Variants in HHIP observed in about 807,000 individuals in gnomAD.
HHIP encodes the protein hedgehog interacting protein, also known as hedgehog-interacting protein.
Under a neutral mutation model 74.0 loss-of-function variants are expected in HHIP, and 12 were observed. The ratio of observed to expected loss-of-function variants is 0.16; its 90% CI spans 0.10 to 0.26. HHIP has a LOEUF of 0.26. Ranked by LOEUF, HHIP falls within the 10% of genes least tolerant of loss-of-function variation. HHIP has a pLI of 1.00. For missense variants in HHIP, 788 were observed against 845.0 expected, an observed-to-expected ratio of 0.93 and a Z score of 0.84; for synonymous variants, 309 against 311.6, an observed-to-expected ratio of 0.99 and a Z score of 0.09.
At chr4:144,717,932 A>C (rs1233657465) in intron 10 of HHIP, among the ~76,000 whole-genome samples, 2 of 152,212 alleles carry the variant, frequency 1.3e-5, no homozygotes, top group Non-Finnish European at 2.9e-5. Context: ...TTGCACAGAA[A>C]TAAATCAAGA....
rs1363029207 is a variant in HHIP, at chr4:144,744,948, TTATC to T, written c.*6997_*7000del. 1.3e-5 allele frequency: 2 copies of T among 152,230 alleles called. No homozygotes were observed. The highest frequency in any genetic ancestry group is 4.8e-5 in the African/African-American group (2 of 41,464). 9.4% of individuals were successfully genotyped at this position (152,230 alleles called of 1,614,324 possible). A position where few individuals can be genotyped will look rare whatever the true frequency, so the allele number is the denominator to read the frequency against. On this transcript the variant is annotated 3_prime_UTR_variant, in exon 13 of 13. Coordinates refer to ENST00000296575, the MANE Select transcript of HHIP (RefSeq NM_022475.3). ...TGTGCACACACCCATGTATATATATTTATCTATCTGTACAAACACTACATATGTA... is the reference window on the plus strand; with the variant it reads ...TGTGCACACACCCATGTATATATATTTATCTGTACAAACACTACATATGTA...
At position 144,646,407 on chromosome 4, in the gene HHIP, A is replaced by G. The variant is rs1259515200; in HGVS notation, c.-269A>G. 1 of 393,090 alleles carries G rather than the reference A, an allele frequency of 2.5e-6. No individual in the cohort carries two copies. Among genetic ancestry groups the G allele is most frequent in the Non-Finnish European group, 4.5e-6 (1 of 220,792 alleles). The allele number at this position is 393,090 out of a possible 1,614,324, so 24.4% of individuals were successfully genotyped here. ...GCCGCAGCAGAAAGCCCCCAACCCA[A>G]CTGACACTGGCACAACTGCAAACGG... On this transcript the variant is annotated 5_prime_UTR_variant, in exon 1 of 13. Coordinates refer to ENST00000296575, the MANE Select transcript of HHIP (RefSeq NM_022475.3).
chr4:144,740,590 C>G lies in HHIP; in HGVS notation c.*2633C>G, dbSNP rs566944557. 5.9e-5 allele frequency: 9 copies of G among 152,152 alleles called. No individual in the cohort carries two copies. Among genetic ancestry groups the G allele is most frequent in the Non-Finnish European group, 8.8e-5 (6 of 68,020 alleles). 9.4% of individuals were successfully genotyped at this position (152,152 alleles called of 1,614,324 possible). A position where few individuals can be genotyped will look rare whatever the true frequency, so the allele number is the denominator to read the frequency against. ...AAATTAAGTGGTCAATTCAAAAATT[C>G]TCTTTGACCTTTTCTTTCAAGTAGA... On this transcript the variant is annotated 3_prime_UTR_variant, in exon 13 of 13. Coordinates refer to ENST00000296575, the MANE Select transcript of HHIP (RefSeq NM_022475.3).
chr4:144,724,498 T>C (rs1730736320), intron 11 of HHIP, among the ~76,000 whole-genome samples: 1 of 151,772 alleles, frequency 6.6e-6, no homozygotes, highest in Non-Finnish European at 1.5e-5. Context: ...AACTTTAAGA[T>C]ATAATTGACA....
intron 4 of HHIP, among the ~76,000 whole-genome samples, chr4:144,692,511 GA>G (rs1428590201): frequency 6.6e-6 from 1 of 151,932 alleles, no homozygotes; most frequent in African/African-American, 2.4e-5. Context: ...TCTCATCCTT[GA>G]AGTCTCAACC....
chr4:144,654,032 A>C lies in HHIP; in HGVS notation c.472+1235A>C, dbSNP rs116651228. ...TTAGATACCATAAATGTTTGCTGGAAACTTCAAGTCTTGAACATTTGCCTT... is the reference window on the plus strand; with the variant it reads ...TTAGATACCATAAATGTTTGCTGGACACTTCAAGTCTTGAACATTTGCCTT... On this transcript the variant is annotated intron_variant, in intron 2 of 12. Transcript: ENST00000296575. 3.0e-3 allele frequency among the ~76,000 whole-genome samples: 460 copies of C among 152,294 alleles called. 2 individuals are homozygous for C. Among genetic ancestry groups the C allele is most frequent in the Non-Finnish European group, 4.9e-3 (335 of 68,020 alleles).
At chr4:144,688,334 A>G (rs561139874) in intron 4 of HHIP, among the ~76,000 whole-genome samples, 1 of 152,244 alleles carries the variant, frequency 6.6e-6, no homozygotes, top group South Asian at 2.1e-4. Flanking sequence ...GAAGTTAAGC[A>G]TGGCTTGCTA....
At position 144,738,363 on chromosome 4, in the gene HHIP, T is replaced by C; in HGVS notation, c.*406T>C. ...TTTGAAACAGTACTGTGCAATCCGA[T>C]GGATCTAATTAAAAAAAAGGCAATA... On this transcript the variant is annotated 3_prime_UTR_variant, in exon 13 of 13. Coordinates refer to ENST00000296575, the MANE Select transcript of HHIP (RefSeq NM_022475.3). 2 of 978,742 alleles carry C rather than the reference T, an allele frequency of 2.0e-6. No individual in the cohort carries two copies. Among genetic ancestry groups the C allele is most frequent in the South Asian group, 4.7e-5 (1 of 21,144 alleles). 60.6% of individuals were successfully genotyped at this position (978,742 alleles called of 1,614,324 possible).
chr4:144,738,120 AGCATGTT>A lies in HHIP; in HGVS notation c.*164_*170del. On this transcript the variant is annotated 3_prime_UTR_variant, in exon 13 of 13. Coordinates refer to ENST00000296575, the MANE Select transcript of HHIP (RefSeq NM_022475.3). Reference sequence around the variant, plus strand: ...TGTGCAGATCCTCTGTGTGTATGTCAGCATGTTTGTTCACATATGCACATACACATAC... The same window carrying A: ...TGTGCAGATCCTCTGTGTGTATGTCATGTTCACATATGCACATACACATAC... 2 of 1,308,916 alleles carry A rather than the reference AGCATGTT, an allele frequency of 1.5e-6. No individual in the cohort carries two copies. Among genetic ancestry groups the A allele is most frequent in the Non-Finnish European group, 1.9e-6 (2 of 1,029,398 alleles). The allele number at this position is 1,308,916 out of a possible 1,614,324, so 81.1% of individuals were successfully genotyped here. A position where few individuals can be genotyped will look rare whatever the true frequency, so the allele number is the denominator to read the frequency against.
chr4:144,728,339 C>T (rs1427919116), intron 11 of HHIP, among the ~76,000 whole-genome samples: 4 of 152,080 alleles, frequency 2.6e-5, no homozygotes, highest in South Asian at 2.1e-4. Flanking sequence ...AAATATTAGT[C>T]GCAAAGAAGA....
intron 2 of HHIP, among the ~76,000 whole-genome samples, chr4:144,657,282 T>TGGCGTAAAAG (rs1728583219): frequency 6.6e-6 from 1 of 152,216 alleles, no homozygotes; most frequent in African/African-American, 2.4e-5. Context: ...TTATGCGCCA[T>TGGCGTAAAAG]TGATGAGTCT....
At chr4:144,715,653 C>A (rs1332158153) in intron 10 of HHIP, 1 of 317,654 alleles carries the variant, frequency 3.1e-6, no homozygotes, top group Non-Finnish European at 5.7e-6. Context: ...ACTAGAAATA[C>A]CAAAATATAA....
rs992240596 is a variant in HHIP, at chr4:144,689,199, A to G, written c.832-17332A>G. 7.9e-5 allele frequency among the ~76,000 whole-genome samples: 12 copies of G among 152,212 alleles called. 1 individual carries two copies. The highest frequency in any genetic ancestry group is 2.7e-4 in the African/African-American group (11 of 41,462). ...ATTTCATTCAGAGTGTGTTCTTTAT[A>G]ACAAACAGGAAATCTCACTAACTCT... On this transcript the variant is annotated intron_variant, in intron 4 of 12. Transcript: ENST00000296575.
chr4:144,690,394 T>C (rs190845309), intron 4 of HHIP, among the ~76,000 whole-genome samples: 1 of 152,244 alleles, frequency 6.6e-6, no homozygotes, highest in East Asian at 1.9e-4. Context: ...TGGAAAGTAC[T>C]AGGATGAAAA....
At chr4:144,736,350 G>C (rs1347620736) in intron 12 of HHIP, among the ~76,000 whole-genome samples, 3 of 151,914 alleles carry the variant, frequency 2.0e-5, no homozygotes, top group African/African-American at 7.3e-5. Context: ...TGGCCAGGCT[G>C]GTCTTGAACT....
In HHIP at chr4:144,646,482, G is replaced by A. The variant is rs200057618; in HGVS notation, c.-194G>A. 4 of 586,938 alleles carry A rather than the reference G, an allele frequency of 6.8e-6. No individual in the cohort carries two copies. The highest frequency in any genetic ancestry group is 1.2e-5 in the Non-Finnish European group (4 of 332,428). 36.4% of individuals were successfully genotyped at this position (586,938 alleles called of 1,614,324 possible). ...CTCCTCGGGCTCCCCTAAGGCATTG[G>A]ACCCATCGCCGCGTCTTTTATTTTT... On this transcript the variant is annotated 5_prime_UTR_variant, in exon 1 of 13. The change creates a premature stop within an existing upstream ORF in the 5' untranslated region. Transcript: ENST00000296575.
At chr4:144,716,852 A>G (rs1730461107) in intron 10 of HHIP, among the ~76,000 whole-genome samples, 2 of 119,682 alleles carry the variant, frequency 1.7e-5, no homozygotes, top group South Asian at 3.3e-4. Context: ...TCCGTCTCAA[A>G]AGAAAAAAAA....
At chr4:144,655,854 G>A (rs1485782543) in intron 2 of HHIP, among the ~76,000 whole-genome samples, 1 of 152,056 alleles carries the variant, frequency 6.6e-6, no homozygotes, top group Non-Finnish European at 1.5e-5. Context: ...AATACTCCAA[G>A]GAAGCATTTA....
intron 4 of HHIP, among the ~76,000 whole-genome samples, chr4:144,686,051 A>G (rs1473679166): frequency 1.3e-5 from 2 of 152,186 alleles, no homozygotes; most frequent in African/African-American, 2.4e-5. Context: ...CCAACTGAAC[A>G]TTACACTGGG....
Sources: gnomAD v4.1 joint callset for allele counts (sites outside exome capture counted in the v4.1 genomes callset) on GRCh38, gnomAD v4.1.1 for gene constraint, MANE v1.5 for transcripts, NCBI Gene and HGNC (gene_info 2026-07-23, HGNC 2026-07-21) for gene names.